The following MACIR variants were observed in gnomAD, a reference collection of about 807,000 sequenced individuals.
The protein encoded by MACIR is macrophage immunometabolism regulator.
MACIR carries 4 observed loss-of-function variants against 14.3 expected under a neutral mutation model. That is an observed-to-expected ratio of 0.28 (90% confidence interval 0.14 to 0.64). MACIR has a LOEUF of 0.64. MACIR is among the 30% of genes least tolerant of loss of function. The pLI, the probability that MACIR is intolerant of heterozygous loss-of-function variation, is 0.83. For missense variants in MACIR, 228 were observed against 257.6 expected, an observed-to-expected ratio of 0.89 and a Z score of 0.79; for synonymous variants, 101 against 102.4, an observed-to-expected ratio of 0.99 and a Z score of 0.08.
At position 103,275,779 on chromosome 5, in the gene MACIR, A is replaced by G. The variant is rs992379664; in HGVS notation, c.-23-118A>G. ...GTAGACATAGTTACATGTCAGTGGT[A>G]CATTGACTGTCTTTCAGGCAAGTGT... On this transcript the variant is annotated intron_variant, in intron 2 of 2. Coordinates refer to ENST00000319933, the MANE Select transcript of MACIR (RefSeq NM_033211.4). The G allele has an allele frequency of 5.9e-5, 45 of 762,502 alleles. No homozygotes were observed. In the African/African-American group the frequency reaches 7.9e-4, roughly 13 times the overall value. 47.2% of individuals were successfully genotyped at this position (762,502 alleles called of 1,614,324 possible).
At chr5:103,271,131 C>T (rs114827678) in intron 2 of MACIR, among the ~76,000 whole-genome samples, 223 of 152,044 alleles carry the variant, frequency 1.5e-3, no homozygotes, top group African/African-American at 5.2e-3. Context: ...TAAATGAACT[C>T]TATATATAGG....
rs1375863606 is a variant in MACIR, at chr5:103,261,698, C to CTTTTCT, written c.-114+2805_-114+2806insTCTTTT. Among the ~76,000 whole-genome samples, 151 of 113,440 alleles carry CTTTTCT rather than the reference C, an allele frequency of 1.3e-3. 1 individual carries two copies. The highest frequency in any genetic ancestry group is 5.1e-3 in the African/African-American group (142 of 27,760). 74.4% of individuals were successfully genotyped at this position (113,440 alleles called of 152,430 possible). ...TCTTTCTTTCTTTCTTTCTTTCTTT[C>CTTTTCT]TTTCTTCCTTTCTTTCTTTCTTTCT... On this transcript the variant is annotated intron_variant, in intron 1 of 2. Transcript: ENST00000319933.
chr5:103,263,204 C>CTCT (rs1554236451), intron 1 of MACIR, among the ~76,000 whole-genome samples: 1 of 146,358 alleles, frequency 6.8e-6, no homozygotes, highest in African/African-American at 2.8e-5. Flanking sequence ...CATATACCTC[C>CTCT]TCCTCCTCCT....
rs1048533500 is a variant in MACIR at position 103,277,108 on chromosome 5, A to C, written c.*568A>C. On this transcript the variant is annotated 3_prime_UTR_variant, in exon 3 of 3. Transcript: ENST00000319933. ...ATTGACAAGAGAGTAATCTTTCTTCACTTGCCTCAATAATGTTATTGAGCA... is the reference window on the plus strand; with the variant it reads ...ATTGACAAGAGAGTAATCTTTCTTCCCTTGCCTCAATAATGTTATTGAGCA... The C allele has an allele frequency of 6.0e-6, 1 of 167,114 alleles. No individual in the cohort carries two copies. The highest frequency in any genetic ancestry group is 1.5e-5 in the Non-Finnish European group (1 of 68,122). The allele number at this position is 167,114 out of a possible 1,614,324, so 10.4% of individuals were successfully genotyped here. A position where few individuals can be genotyped will look rare whatever the true frequency, so the allele number is the denominator to read the frequency against.
chr5:103,272,913 G>A (rs1554237240), intron 2 of MACIR, among the ~76,000 whole-genome samples: 1 of 152,122 alleles, frequency 6.6e-6, no homozygotes, highest in Non-Finnish European at 1.5e-5. Flanking sequence ...CAAAAATACT[G>A]ATGTTTGATA....
chr5:103,272,253 T>C (rs1805159501), intron 2 of MACIR, among the ~76,000 whole-genome samples: 1 of 152,324 alleles, frequency 6.6e-6, no homozygotes, highest in Admixed American at 6.5e-5. Context: ...CATAGCTGAG[T>C]TTCCTGATGG....
In MACIR at chr5:103,276,195, C is replaced by T; in HGVS notation, c.276C>T (p.Arg92=). Reference sequence around the variant, plus strand: ...AAGCAGAAGCCATGCCATCCTTACGCTCCAAACAGCTAGATGCAGGACTTG... The same window carrying T: ...AAGCAGAAGCCATGCCATCCTTACGTTCCAAACAGCTAGATGCAGGACTTG... The part of the protein sequence containing the change: ...ESKAEAMPSL[R]SKQLDAGLAR... The change falls in exon 3 of 3, where the codon CGC becomes CGT. Residue 92 remains arginine, a synonymous_variant. Coordinates refer to ENST00000319933, the MANE Select transcript of MACIR (RefSeq NM_033211.4). The T allele has an allele frequency of 6.2e-7, 1 of 1,613,624 alleles. No individual in the cohort carries two copies. Among genetic ancestry groups the T allele is most frequent in the East Asian group, 2.2e-5 (1 of 44,888 alleles).
intron 1 of MACIR, 51 bp from the exon 2 acceptor site, chr5:103,265,857 A>C (rs782149857): frequency 2.0e-5 from 3 of 152,116 alleles, no homozygotes; most frequent in Non-Finnish European, 4.4e-5. Flanking sequence ...ATCATGTTAT[A>C]AGTTGTGTTA....
chr5:103,259,339 G>C (rs1388200187), intron 1 of MACIR: 2 of 152,054 alleles, frequency 1.3e-5, no homozygotes, highest in Non-Finnish European at 2.9e-5. Context: ...GGGAGGTGCG[G>C]GGACTCGGCG....
In MACIR at chr5:103,277,781, C is replaced by G. The variant is rs1805388327; in HGVS notation, c.*1241C>G. 6.0e-6 allele frequency: 1 copy of G among 166,822 alleles called. No individual in the cohort carries two copies. Among genetic ancestry groups the G allele is most frequent in the East Asian group, 1.9e-4 (1 of 5,194 alleles). 10.3% of individuals were successfully genotyped at this position (166,822 alleles called of 1,614,324 possible). On this transcript the variant is annotated 3_prime_UTR_variant, in exon 3 of 3. Coordinates refer to ENST00000319933, the MANE Select transcript of MACIR (RefSeq NM_033211.4). Reference sequence around the variant, plus strand: ...CTTACCTTTTGTAAACGTTCCATTTCTTTTTTCCCTCATTTTTGACTCTTA... The same window carrying G: ...CTTACCTTTTGTAAACGTTCCATTTGTTTTTTCCCTCATTTTTGACTCTTA...
At chr5:103,269,665 G>A (rs189681596) in intron 2 of MACIR, among the ~76,000 whole-genome samples, 21 of 152,176 alleles carry the variant, frequency 1.4e-4, no homozygotes, top group Non-Finnish European at 1.2e-4. Context: ...CAAATAGATA[G>A]GAAGCTTGGC....
chr5:103,270,488 T>A (rs1456891504), intron 2 of MACIR, among the ~76,000 whole-genome samples: 1 of 152,172 alleles, frequency 6.6e-6, no homozygotes, highest in Non-Finnish European at 1.5e-5. Context: ...ATTTTGCCAT[T>A]TATAGTACAT....
At chr5:103,268,243 A>G (rs1480492387) in intron 2 of MACIR, among the ~76,000 whole-genome samples, 1 of 152,184 alleles carries the variant, frequency 6.6e-6, no homozygotes, top group Non-Finnish European at 1.5e-5. Context: ...ATTCAATTTT[A>G]TAAGTAAATG....
At position 103,276,629 on chromosome 5, in the gene MACIR, A is replaced by G. The variant is rs1027667786; in HGVS notation, c.*89A>G. 8.3e-7 allele frequency: 1 copy of G among 1,209,662 alleles called. No individual in the cohort carries two copies. Among genetic ancestry groups the G allele is most frequent in the Middle Eastern group, 2.9e-4 (1 of 3,448 alleles). The allele number at this position is 1,209,662 out of a possible 1,614,324, so 74.9% of individuals were successfully genotyped here. A position where few individuals can be genotyped will look rare whatever the true frequency, so the allele number is the denominator to read the frequency against. On this transcript the variant is annotated 3_prime_UTR_variant, in exon 3 of 3. Coordinates refer to ENST00000319933, the MANE Select transcript of MACIR (RefSeq NM_033211.4). ...CTGTACTCTGTACATGACTCTTCAC[A>G]CTATAGATGGTTATATCAGCTAAGT...
At chr5:103,262,171 C>T (rs1173264878) in intron 1 of MACIR, among the ~76,000 whole-genome samples, 2 of 152,118 alleles carry the variant, frequency 1.3e-5, no homozygotes, top group African/African-American at 4.8e-5. Context: ...TGTCTGCCCT[C>T]CCCTCTGACC....
chr5:103,275,099 A>G (rs1245046065), intron 2 of MACIR, among the ~76,000 whole-genome samples: 4 of 152,226 alleles, frequency 2.6e-5, no homozygotes, highest in Non-Finnish European at 5.9e-5. Flanking sequence ...CGTCTTGGGT[A>G]TTGAAAAACA....
chr5:103,275,371 C>T (rs1308466162), intron 2 of MACIR, among the ~76,000 whole-genome samples: 1 of 152,152 alleles, frequency 6.6e-6, no homozygotes, highest in Non-Finnish European at 1.5e-5. Flanking sequence ...AATTCGTCAG[C>T]TCAATCAACT....
At position 103,276,267 on chromosome 5, in the gene MACIR, A is replaced by G. The variant is rs782390027; in HGVS notation, c.348A>G (p.Pro116=). Residue 116 remains proline, a synonymous_variant, in exon 3 of 3, where the codon CCA becomes CCG. Transcript: ENST00000319933. ...LYKTRSRYYQ[P]YEIPAVNGRR... The stretch of plus-strand genomic sequence containing the variant: ...AAACCAGAAGTAGGTACTACCAGCC[A>G]TACGAGATTCCAGCTGTCAATGGCA... 1.6e-5 allele frequency: 25 copies of G among 1,612,602 alleles called. No individual in the cohort carries two copies. Among genetic ancestry groups the G allele is most frequent in the African/African-American group, 2.7e-5 (2 of 74,310 alleles).
chr5:103,262,611 A>G lies in MACIR; in HGVS notation c.-113-3297A>G, dbSNP rs1804768088. 3.3e-5 allele frequency among the ~76,000 whole-genome samples: 5 copies of G among 152,220 alleles called. No individual in the cohort carries two copies. In the South Asian group the frequency reaches 1.0e-3, roughly 32 times the overall value. ...AAACTTTTCTATTTGTAGAAGCTCC[A>G]CTTGCAGTGAAATGTTGGGTGTCTT... On this transcript the variant is annotated intron_variant, in intron 1 of 2. Transcript: ENST00000319933.
Sources: allele counts gnomAD v4.1 joint callset (sites outside exome capture counted in the v4.1 genomes callset), GRCh38; gene constraint gnomAD v4.1.1; transcripts MANE v1.5; gene names NCBI Gene and HGNC (gene_info 2026-07-23, HGNC 2026-07-21).